The following CSMD1 variants were observed in gnomAD, a reference collection of about 807,000 sequenced individuals.
CSMD1 encodes CUB and Sushi multiple domains 1.
CSMD1 carries 213 observed loss-of-function variants against 417.5 expected under a neutral mutation model. That is an observed-to-expected ratio of 0.51 (90% CI 0.46 to 0.57). CSMD1 has a LOEUF of 0.57. CSMD1 is among the 20% of genes least tolerant of loss of function. CSMD1 has a pLI of 0.00. For missense variants in CSMD1, 6,923 were observed against 4,529.7 expected, an observed-to-expected ratio of 1.53 and a Z score of -15.17; for synonymous variants, 2,862 against 1,736.8, an observed-to-expected ratio of 1.65 and a Z score of -16.11.
At chr8:4,524,920 G>A (rs560188155) in intron 2 of CSMD1, among the ~76,000 whole-genome samples, 13 of 152,080 alleles carry the variant, frequency 8.5e-5, no homozygotes, top group African/African-American at 3.1e-4. Flanking sequence ...TAACAGCATT[G>A]CCACATTCAA....
rs571353765 is a variant in CSMD1, at chr8:4,290,286, CAT to C, written c.415+129665_415+129666del. Among the ~76,000 whole-genome samples the C allele has an allele frequency of 1.9e-3, 287 of 152,286 alleles. 2 individuals carry two copies. Among genetic ancestry groups the C allele is most frequent in the African/African-American group, 6.6e-3 (274 of 41,562 alleles). On this transcript the variant is annotated intron_variant, in intron 3 of 69. Transcript: ENST00000635120. ...TGTTAGAAGAAAAGCATGGTTTTCA[CAT>C]ATGTCTACAGATGTGAAATTTCAGA... is the stretch of plus-strand genomic sequence containing the variant.
At chr8:4,384,966 G>C (rs562329794) in intron 3 of CSMD1, among the ~76,000 whole-genome samples, 1 of 152,150 alleles carries the variant, frequency 6.6e-6, no homozygotes, top group African/African-American at 2.4e-5. Context: ...TGTCACCCAG[G>C]ATGGAGTGCA....
At chr8:3,566,446 C>T (rs1257553190) in intron 10 of CSMD1, among the ~76,000 whole-genome samples, 1 of 152,074 alleles carries the variant, frequency 6.6e-6, no homozygotes, top group South Asian at 2.1e-4. Context: ...TACCTAGGGA[C>T]CACCGTACCG....
chr8:3,495,824 G>T (rs79970632), intron 10 of CSMD1, among the ~76,000 whole-genome samples: 2 of 152,162 alleles, frequency 1.3e-5, no homozygotes, highest in African/African-American at 4.8e-5. Flanking sequence ...TACAGCATAT[G>T]CACCCTCCTT....
intron 10 of CSMD1, among the ~76,000 whole-genome samples, chr8:3,562,435 C>G (rs11136642): frequency 8.3e-6 from 1 of 121,050 alleles, no homozygotes; most frequent in Non-Finnish European, 1.9e-5. Flanking sequence ...TGCACACACA[C>G]GTGCACATAC....
At position 2,935,500 on chromosome 8, in the gene CSMD1, A is replaced by G. The variant is rs1358674327; in HGVS notation, c.*3085T>C. Reference sequence around the variant, plus strand: ...TAACAGGCCACTTTAATATTAATACATGTGTAATAGGATTGGAACTGAAAA... The same window carrying G: ...TAACAGGCCACTTTAATATTAATACGTGTGTAATAGGATTGGAACTGAAAA... On this transcript the variant is annotated 3_prime_UTR_variant, in exon 70 of 70. Coordinates refer to ENST00000635120, the MANE Select transcript of CSMD1 (RefSeq NM_033225.6). 1 of 152,206 alleles carries G rather than the reference A, an allele frequency of 6.6e-6. No homozygotes were observed. Among genetic ancestry groups the G allele is most frequent in the African/African-American group, 2.4e-5 (1 of 41,446 alleles). The allele number at this position is 152,206 out of a possible 1,614,324, so 9.4% of individuals were successfully genotyped here.
At chr8:4,228,589 CTTT>C (rs201365918) in intron 3 of CSMD1, among the ~76,000 whole-genome samples, 4 of 138,374 alleles carry the variant, frequency 2.9e-5, no homozygotes, top group African/African-American at 8.0e-5. Context: ...TCTGTCAGAT[CTTT>C]TTTTTTTTTT....
intron 3 of CSMD1, among the ~76,000 whole-genome samples, chr8:4,336,428 C>T (rs569618387): frequency 3.5e-4 from 54 of 152,236 alleles, no homozygotes; most frequent in African/African-American, 1.3e-3. Context: ...CTAAGGCCCC[C>T]GGTCAGTTAA....
chr8:4,488,935 T>G (rs988587246), intron 2 of CSMD1, among the ~76,000 whole-genome samples: 1 of 152,190 alleles, frequency 6.6e-6, no homozygotes, highest in Non-Finnish European at 1.5e-5. Context: ...TTTTTGAGAC[T>G]GAGTCTTGCT....
intron 5 of CSMD1, among the ~76,000 whole-genome samples, chr8:3,889,452 CATATAT>C (rs1171842639): frequency 0.11 from 5,008 of 45,304 alleles, 194 homozygotes; most frequent in Non-Finnish European, 0.13. Context: ...CTGATCTTTC[CATATAT>C]ATATATATAT....
chr8:4,391,358 G>C (rs1001792174), intron 3 of CSMD1, among the ~76,000 whole-genome samples: 4 of 152,158 alleles, frequency 2.6e-5, no homozygotes, highest in African/African-American at 9.7e-5. Context: ...CTATGGACTT[G>C]CTTTTCCACT....
At chr8:3,304,913 A>T (rs952616192) in intron 25 of CSMD1, among the ~76,000 whole-genome samples, 1 of 152,262 alleles carries the variant, frequency 6.6e-6, no homozygotes, top group South Asian at 2.1e-4. Context: ...AAGATAAATT[A>T]TTTTTATATA....
chr8:3,240,016 T>G (rs186315210), intron 26 of CSMD1, among the ~76,000 whole-genome samples: 9 of 151,946 alleles, frequency 5.9e-5, no homozygotes, highest in Non-Finnish European at 1.2e-4. Context: ...TTGGAAGTTA[T>G]GAGAACTGTA....
Position 3,187,932 on chromosome 8 carries a change from A to ATATATACATAT in CSMD1, c.5556_5557insATATGTATATA (p.Trp1853IlefsTer16). On this transcript the variant is annotated frameshift_variant, in exon 36 of 70. Transcript: ENST00000635120. LOFTEE classifies it high-confidence loss of function. ...CCATCGTGGATCTCAAGGGAGTCCC[A>ATATATACATAT]GTTCTGCTCCGTGGCAAAACTGATC... 1 of 1,613,448 alleles carries ATATATACATAT rather than the reference A, an allele frequency of 6.2e-7. No homozygotes were observed. The highest frequency in any genetic ancestry group is 8.5e-7 in the Non-Finnish European group (1 of 1,179,738).
chr8:4,789,795 G>C (rs1797596382), intron 1 of CSMD1, among the ~76,000 whole-genome samples: 3 of 152,316 alleles, frequency 2.0e-5, no homozygotes, highest in Non-Finnish European at 2.9e-5. Flanking sequence ...TTAGGGAAGA[G>C]ATGCCATTTT....
At chr8:3,499,315 G>C (rs1043878115) in intron 10 of CSMD1, among the ~76,000 whole-genome samples, 2 of 152,128 alleles carry the variant, frequency 1.3e-5, no homozygotes, top group Non-Finnish European at 2.9e-5. Context: ...GTTTGTGGAA[G>C]TGTTGGTTCA....
chr8:4,026,179 G>C (rs1249910395), intron 4 of CSMD1, among the ~76,000 whole-genome samples: 1 of 152,130 alleles, frequency 6.6e-6, no homozygotes, highest in Admixed American at 6.5e-5. Context: ...ACAAGAATTA[G>C]ATCATTTTTT....
intron 46 of CSMD1, among the ~76,000 whole-genome samples, chr8:3,104,570 A>T (rs971959995): frequency 1.3e-5 from 2 of 152,198 alleles, no homozygotes; most frequent in Non-Finnish European, 2.9e-5. Flanking sequence ...TATTATGGAT[A>T]TCTGATAATA....
intron 1 of CSMD1, among the ~76,000 whole-genome samples, chr8:4,737,712 AC>A (rs1193368839): frequency 6.6e-6 from 1 of 152,218 alleles, no homozygotes; most frequent in Non-Finnish European, 1.5e-5. Flanking sequence ...CTGCTGAAGT[AC>A]CTAAGCAATA....
Sources: allele counts gnomAD v4.1 joint callset (sites outside exome capture counted in the v4.1 genomes callset), GRCh38; gene constraint gnomAD v4.1.1; transcripts MANE v1.5; gene names NCBI Gene and HGNC (gene_info 2026-07-23, HGNC 2026-07-21).